Variants in TRIO observed in about 807,000 individuals in gnomAD.
TRIO encodes the protein trio Rho guanine nucleotide exchange factor.
Under a neutral mutation model 351.9 loss-of-function variants are expected in TRIO, and 58 were observed. That is an observed-to-expected ratio of 0.16 (90% CI 0.13 to 0.21). The LOEUF (loss-of-function observed/expected upper bound fraction) is 0.21. Ranked by LOEUF, TRIO falls within the 10% of genes least tolerant of loss-of-function variation. The pLI is 1.00. For synonymous variants in TRIO, 1,758 were observed against 1,595.7 expected (o/e 1.10, Z -2.42); for missense variants, 3,201 against 4,027.8 (o/e 0.79, Z 5.56).
At chr5:14,170,099 C>A (rs190287771) in intron 1 of TRIO, among the ~76,000 whole-genome samples, 6 of 152,294 alleles carry the variant, frequency 3.9e-5, no homozygotes, top group Non-Finnish European at 7.4e-5. Context: ...TGGAGCTCAT[C>A]TGTAATCCTG....
intron 1 of TRIO, among the ~76,000 whole-genome samples, chr5:14,233,483 C>T (rs533890049): frequency 3.3e-5 from 5 of 151,838 alleles, no homozygotes; most frequent in Non-Finnish European, 5.9e-5. Flanking sequence ...GAATGAGACT[C>T]TCTGTCAAAA....
chr5:14,483,976 G>A (rs1453648499), intron 46 of TRIO, among the ~76,000 whole-genome samples: 3 of 151,714 alleles, frequency 2.0e-5, no homozygotes, highest in Admixed American at 6.6e-5. Context: ...CCATCCCTTG[G>A]ACTGCAGCCA....
intron 1 of TRIO, among the ~76,000 whole-genome samples, chr5:14,252,731 G>A (rs1272793239): frequency 1.3e-5 from 2 of 152,166 alleles, no homozygotes; most frequent in Non-Finnish European, 2.9e-5. Flanking sequence ...AAACCAGAGG[G>A]CATCATCCCT....
intron 9 of TRIO, among the ~76,000 whole-genome samples, chr5:14,320,031 G>T: frequency 6.6e-6 from 1 of 152,118 alleles, no homozygotes; most frequent in East Asian, 1.9e-4. Flanking sequence ...GACCTGCTGA[G>T]GACTTTCCCA....
intron 1 of TRIO, among the ~76,000 whole-genome samples, chr5:14,163,177 C>G (rs1324474440): frequency 1.3e-5 from 2 of 152,134 alleles, no homozygotes; most frequent in African/African-American, 2.4e-5. Context: ...CCCCCCATCC[C>G]TGGACAGGCC....
intron 56 of TRIO, among the ~76,000 whole-genome samples, chr5:14,507,665 C>A (rs1229694071): frequency 6.6e-6 from 1 of 151,648 alleles, no homozygotes; most frequent in East Asian, 2.1e-4. Flanking sequence ...CCAAAGAGAG[C>A]TGCCCTGTGT....
Position 14,186,300 on chromosome 5 carries a change from CT to C in TRIO, c.157+42419del, listed in dbSNP as rs1180287001. On this transcript the variant is annotated intron_variant, in intron 1 of 56. Coordinates refer to ENST00000344204, the MANE Select transcript of TRIO (RefSeq NM_007118.4). The stretch of plus-strand genomic sequence containing the variant: ...TTATAGAAATAAAAGTACCTGGCCT[CT>C]ATGATGCATAACTGTGAGTCATCCA... Among the ~76,000 whole-genome samples the C allele has an allele frequency of 1.3e-4, 20 of 152,264 alleles. No homozygotes were observed. The Middle Eastern group carries it at 0.01, about 78-fold the overall frequency.
chr5:14,428,831 G>C (rs1222184547), intron 34 of TRIO, among the ~76,000 whole-genome samples: 1 of 152,196 alleles, frequency 6.6e-6, no homozygotes, highest in Non-Finnish European at 1.5e-5. Context: ...AGGGAAAGCA[G>C]TAAAATCAGC....
intron 21 of TRIO, among the ~76,000 whole-genome samples, chr5:14,386,876 T>C (rs30793): frequency 0.23 from 35,123 of 152,210 alleles, 4,688 homozygotes; most frequent in Middle Eastern, 0.37. Context: ...GAATTTTCCT[T>C]CACATTTTCT....
intron 8 of TRIO, among the ~76,000 whole-genome samples, chr5:14,305,958 G>A (rs528836526): frequency 1.3e-5 from 2 of 152,366 alleles, no homozygotes; most frequent in East Asian, 1.9e-4. Context: ...ATGCTGTACA[G>A]GTTTGTAGCC....
chr5:14,214,858 C>T (rs1792124655), intron 1 of TRIO, among the ~76,000 whole-genome samples: 1 of 152,100 alleles, frequency 6.6e-6, no homozygotes, highest in East Asian at 1.9e-4. Flanking sequence ...AACATCCTAC[C>T]TTAAGTCATT....
At chr5:14,357,566 TC>T (rs1354256915) in intron 11 of TRIO, among the ~76,000 whole-genome samples, 1 of 151,752 alleles carries the variant, frequency 6.6e-6, no homozygotes, top group Non-Finnish European at 1.5e-5. Context: ...CTGCATCTTT[TC>T]AGCATGCACA....
chr5:14,473,940 A>T, intron 39 of TRIO, 54 bp from the exon 40 acceptor site: 2 of 1,527,084 alleles, frequency 1.3e-6, no homozygotes, highest in Non-Finnish European at 1.8e-6. Context: ...ATAAGCCACT[A>T]GTTGATTCAG....
intron 10 of TRIO, 122 bp downstream of exon 10, chr5:14,331,022 G>A: frequency 7.2e-7 from 1 of 1,393,168 alleles, no homozygotes; most frequent in Non-Finnish European, 9.7e-7. Flanking sequence ...CCTCAGATGA[G>A]GTAAAGGCTC....
chr5:14,223,105 C>T (rs1025643901), intron 1 of TRIO, among the ~76,000 whole-genome samples: 4 of 152,164 alleles, frequency 2.6e-5, no homozygotes, highest in African/African-American at 9.7e-5. Context: ...GCCGTGTCTG[C>T]TGCTTATGAG....
rs370149719 is a variant in TRIO at position 14,270,927 on chromosome 5, A to C, written c.232+28A>C. The C allele has an allele frequency of 4.6e-5, 70 of 1,524,300 alleles. No individual in the cohort carries two copies. In the East Asian group the frequency reaches 9.5e-4, roughly 21 times the overall value. 94.4% of individuals were successfully genotyped at this position (1,524,300 alleles called of 1,614,324 possible). The stretch of plus-strand genomic sequence containing the variant: ...AAAGTTTAACTTTCAACTCTGCTCT[A>C]TCCAACTGCTCTGACACAATTTCAG... On this transcript the variant is annotated intron_variant, in intron 2 of 56. Coordinates refer to ENST00000344204, the MANE Select transcript of TRIO (RefSeq NM_007118.4).
chr5:14,365,946 C>G (rs972582083), intron 15 of TRIO, among the ~76,000 whole-genome samples: 1 of 152,304 alleles, frequency 6.6e-6, no homozygotes, highest in Non-Finnish European at 1.5e-5. Flanking sequence ...TTTTCACAAA[C>G]TTCCCCAGAG....
At chr5:14,338,102 G>A (rs116595458) in intron 11 of TRIO, among the ~76,000 whole-genome samples, 1 of 152,164 alleles carries the variant, frequency 6.6e-6, no homozygotes, top group Non-Finnish European at 1.5e-5. Context: ...CGTGCCTCTA[G>A]ACTAAGTTTC....
chr5:14,211,590 G>T (rs200050278), intron 1 of TRIO, among the ~76,000 whole-genome samples: 420 of 119,866 alleles, frequency 3.5e-3, no homozygotes, highest in Non-Finnish European at 4.1e-3. Flanking sequence ...ACACTCAGTT[G>T]TTTTTTTTTT....
Sources: gnomAD v4.1 joint callset for allele counts (sites outside exome capture counted in the v4.1 genomes callset) on GRCh38, gnomAD v4.1.1 for gene constraint, MANE v1.5 for transcripts, NCBI Gene and HGNC (gene_info 2026-07-23, HGNC 2026-07-21) for gene names.